Variants in EWSR1 observed in about 807,000 individuals in gnomAD.
EWSR1 encodes RNA-binding protein EWS.
In EWSR1, 14 loss-of-function variants were observed where a neutral mutation model predicts 92.1. The ratio of observed to expected loss-of-function variants is 0.15; its 90% CI spans 0.10 to 0.24. The LOEUF (loss-of-function observed/expected upper bound fraction) is 0.24. Ranked by LOEUF, EWSR1 falls within the 10% of genes least tolerant of loss-of-function variation. The pLI is 1.00. For synonymous variants in EWSR1, 303 were observed against 292.9 expected (o/e 1.03, Z -0.35); for missense variants, 637 against 870.9 (o/e 0.73, Z 3.38).
intron 5 of EWSR1, among the ~76,000 whole-genome samples, chr22:29,280,293 C>T (rs1328725693): frequency 6.6e-6 from 1 of 152,138 alleles, no homozygotes; most frequent in African/African-American, 2.4e-5. Context: ...GTCTCGAACT[C>T]GTGACCTCAA....
rs754966628 is a variant in EWSR1, at chr22:29,268,306, A to G, written c.-31A>G. 4.8e-5 allele frequency: 77 copies of G among 1,612,126 alleles called. 2 individuals carry two copies. The South Asian group carries it at 7.2e-4, about 15-fold the overall frequency. ...TAGAGGGAAAGCGAGAGGGAGACGG[A>G]CGTTGAGAGAACGAGGAGGAAGGAG... On this transcript the variant is annotated 5_prime_UTR_variant, in exon 1 of 17. Coordinates refer to ENST00000397938, the MANE Select transcript of EWSR1 (RefSeq NM_005243.4).
intron 6 of EWSR1, among the ~76,000 whole-genome samples, chr22:29,283,765 C>G (rs2147230732): frequency 6.6e-6 from 1 of 151,084 alleles, no homozygotes; most frequent in East Asian, 1.9e-4. Context: ...AATTCCTGAC[C>G]TCAGGTGATC....
chr22:29,298,848 A>G lies in EWSR1; in HGVS notation c.1533A>G (p.Gly511=), dbSNP rs778423646. The G allele has an allele frequency of 6.3e-7, 1 of 1,584,586 alleles. No homozygotes were observed. Among genetic ancestry groups the G allele is most frequent in the Non-Finnish European group, 8.5e-7 (1 of 1,171,010 alleles). Reference sequence around the variant, plus strand: ...GGGGTTCCCGAGGGAACCCCTCTGGAGGAGGAAACGTCCAGCACCGAGCTG... The same window carrying G: ...GGGGTTCCCGAGGGAACCCCTCTGGGGGAGGAAACGTCCAGCACCGAGCTG... ...GPRGSRGNPS[G]GGNVQHRAGD... The change falls in exon 14 of 17, where the codon GGA becomes GGG. Residue 511 remains glycine, a synonymous_variant. Transcript: ENST00000397938.
At chr22:29,283,360 A>G (rs890953830) in intron 6 of EWSR1, among the ~76,000 whole-genome samples, 4 of 152,008 alleles carry the variant, frequency 2.6e-5, no homozygotes, top group African/African-American at 9.7e-5. Flanking sequence ...TCGCCTGGCC[A>G]AGTTTTCTTT....
chr22:29,284,114 A>G (rs1377568727), intron 6 of EWSR1, among the ~76,000 whole-genome samples: 3 of 150,920 alleles, frequency 2.0e-5, no homozygotes, highest in South Asian at 4.2e-4. Context: ...GAATACAGGC[A>G]TGAGCCACTG....
chr22:29,278,533 C>T (rs1402154527), intron 5 of EWSR1, among the ~76,000 whole-genome samples: 2 of 151,438 alleles, frequency 1.3e-5, no homozygotes, highest in African/African-American at 4.9e-5. Flanking sequence ...ACTAAAAATG[C>T]AAAAATACCG....
At chr22:29,294,544 G>T (rs2060692577) in intron 11 of EWSR1, among the ~76,000 whole-genome samples, 1 of 151,268 alleles carries the variant, frequency 6.6e-6, no homozygotes, top group South Asian at 2.1e-4. Flanking sequence ...GGCGGAGCTT[G>T]CAGTGAGCTG....
intron 8 of EWSR1, chr22:29,290,149 C>T (rs1485277938): frequency 9.3e-6 from 3 of 321,318 alleles, no homozygotes; most frequent in Non-Finnish European, 1.1e-5. Flanking sequence ...GTCTCTCTTG[C>T]AGCCATAGAA....
intron 4 of EWSR1, chr22:29,276,327 T>A: frequency 4.4e-6 from 1 of 229,068 alleles, no homozygotes; most frequent in Non-Finnish European, 8.7e-6. Context: ...AAAACTTTTA[T>A]TGCTTGGGGC....
chr22:29,293,216 C>T (rs184828599), intron 11 of EWSR1, among the ~76,000 whole-genome samples: 111 of 152,126 alleles, frequency 7.3e-4, no homozygotes, highest in African/African-American at 2.4e-3. Context: ...GCCTGTTGGC[C>T]GGGCTGGTCT....
Position 29,299,728 on chromosome 22 carries a change from G to A in EWSR1, c.1808G>A (p.Arg603Gln), listed in dbSNP as rs757403640. Residue 603 changes from arginine to glutamine, a missense_variant, in exon 16 of 17, where the codon CGG becomes CAG. Arg to Gln is a conservative substitution (Grantham distance 43). Coordinates refer to ENST00000397938, the MANE Select transcript of EWSR1 (RefSeq NM_005243.4). ...GACAGAGGTGGCTTCCGTGGTGGCCGGGGCATGGACCGAGGTGGCTTTGGT... is the reference window on the plus strand; with the variant it reads ...GACAGAGGTGGCTTCCGTGGTGGCCAGGGCATGGACCGAGGTGGCTTTGGT... ...GGDRGGFRGG[R>Q]GMDRGGFGGG... is the part of the protein sequence containing the mutation. The A allele has an allele frequency of 2.5e-6, 4 of 1,611,824 alleles. No homozygotes were observed. Among genetic ancestry groups the A allele is most frequent in the Admixed American group, 3.3e-5 (2 of 59,820 alleles).
At chr22:29,272,483 ATTATCCAGTTATCTTTCAG>A in intron 3 of EWSR1, 52 bp downstream of exon 3, 1 of 1,526,066 alleles carries the variant, frequency 6.6e-7, no homozygotes, top group Non-Finnish European at 9.1e-7. Flanking sequence ...AAATCAGTAT[ATTATCCAGTTATCTTTCAG>A]TTATCCAGTA....
Position 29,273,871 on chromosome 22 carries a change from C to A in EWSR1, c.226+7C>A, listed in dbSNP as rs751085860. The A allele has an allele frequency of 2.5e-6, 4 of 1,613,438 alleles. No individual in the cohort carries two copies. The highest frequency in any genetic ancestry group is 3.4e-6 in the Non-Finnish European group (4 of 1,179,786). On this transcript the variant is annotated splice_region_variant and intron_variant, in intron 4 of 16. Coordinates refer to ENST00000397938, the MANE Select transcript of EWSR1 (RefSeq NM_005243.4). Reference sequence around the variant, plus strand: ...TATGGACAGCCTCCCACTGGTAAGGCCTGCCTTGGAGAGATTTTTGGGTCG... The same window carrying A: ...TATGGACAGCCTCCCACTGGTAAGGACTGCCTTGGAGAGATTTTTGGGTCG...
rs370714754 is a variant in EWSR1 at position 29,300,389 on chromosome 22, T to TAACA, written c.*230_*233dup. 67 of 479,478 alleles carry TAACA rather than the reference T, an allele frequency of 1.4e-4. No individual in the cohort carries two copies. The highest frequency in any genetic ancestry group is 1.2e-3 in the African/African-American group (60 of 49,848). 29.7% of individuals were successfully genotyped at this position (479,478 alleles called of 1,614,324 possible). ...TTTTAAAAATGGTTGTTTAAGACTT[T>TAACA]AACAATGGGAACCCCTTGTGAGCAT... is the stretch of plus-strand genomic sequence containing the variant. On this transcript the variant is annotated 3_prime_UTR_variant, in exon 17 of 17. Coordinates refer to ENST00000397938, the MANE Select transcript of EWSR1 (RefSeq NM_005243.4).
In EWSR1 at chr22:29,288,992, T is replaced by C. The variant is rs1306571912; in HGVS notation, c.974+206T>C. On this transcript the variant is annotated intron_variant, in intron 8 of 16. Transcript: ENST00000397938. ...TTATTTTCTTTCCCTGCCAGTATAC[T>C]TCGTTGGGTCGGGGAGAACAAAGAA... is the stretch of plus-strand genomic sequence containing the variant. 4.2e-5 allele frequency: 22 copies of C among 520,948 alleles called. No homozygotes were observed. The South Asian group carries it at 7.2e-4, about 17-fold the overall frequency. 32.3% of individuals were successfully genotyped at this position (520,948 alleles called of 1,614,324 possible).
intron 12 of EWSR1, among the ~76,000 whole-genome samples, chr22:29,296,810 A>G (rs1007492137): frequency 7.2e-5 from 11 of 152,140 alleles, no homozygotes; most frequent in Non-Finnish European, 1.5e-4. Context: ...GGAGGCCAAC[A>G]TCGGTGCATT....
In EWSR1 at chr22:29,278,036, C is replaced by T; in HGVS notation, c.233C>T (p.Thr78Ile). ...CAGCTCTCCTTTGTTCTAGGTTATA[C>T]TACTCCAACTGCCCCCCAGGCATAC... The part of the protein sequence containing the change: ...TSYGQPPTGY[T>I]TPTAPQAYSQ... The change falls in exon 5 of 17, where the codon ACT (threonine) becomes ATT (isoleucine). Residue 78 changes from threonine to isoleucine, a missense_variant. Coordinates refer to ENST00000397938, the MANE Select transcript of EWSR1 (RefSeq NM_005243.4). The T allele has an allele frequency of 6.2e-7, 1 of 1,613,596 alleles. No homozygotes were observed. The highest frequency in any genetic ancestry group is 8.5e-7 in the Non-Finnish European group (1 of 1,179,644).
intron 5 of EWSR1, 146 bp downstream of exon 5, chr22:29,278,362 C>A: frequency 1.3e-6 from 1 of 777,496 alleles, no homozygotes; most frequent in Non-Finnish European, 2.0e-6. Flanking sequence ...AACTGATGTG[C>A]TAGAACATAC....
At chr22:29,297,565 G>A (rs1269873752) in intron 12 of EWSR1, among the ~76,000 whole-genome samples, 2 of 152,124 alleles carry the variant, frequency 1.3e-5, no homozygotes, top group East Asian at 1.9e-4. Context: ...ATGGTGATGC[G>A]TGCCTGTAGT....
Sources: allele counts gnomAD v4.1 joint callset (sites outside exome capture counted in the v4.1 genomes callset), GRCh38; gene constraint gnomAD v4.1.1; transcripts MANE v1.5; gene names NCBI Gene and HGNC (gene_info 2026-07-23, HGNC 2026-07-21).